TMEM204: variants seen among roughly 807,000 people sequenced by gnomAD.
TMEM204 encodes claudin-like protein 24.
In TMEM204, 15 loss-of-function variants were observed where a neutral mutation model predicts 19.4. The ratio of observed to expected loss-of-function variants is 0.77; its 90% CI spans 0.52 to 1.19. TMEM204 has a LOEUF of 1.19. TMEM204 is among the 50% of genes most tolerant of loss of function. The pLI is 0.00. For synonymous variants in TMEM204, 161 were observed against 146.0 expected (o/e 1.10, Z -0.74); for missense variants, 287 against 321.2 (o/e 0.89, Z 0.81).
Position 1,553,334 on chromosome 16 carries a change from C to A in TMEM204, c.437-1448C>A. ...TGTCTCTGTGTCTCTGTCCCTGTGT[C>A]TCTTTTTCTCCCATCCTCTCTCGAT... On this transcript the variant is annotated intron_variant, in intron 2 of 2. Coordinates refer to ENST00000566264, the MANE Select transcript of TMEM204 (RefSeq NM_024600.6). The surrounding 1 kb of genome is among the most constrained non-coding windows in gnomAD (Gnocchi z 4.4). 1.0e-6 allele frequency: 1 copy of A among 985,380 alleles called. No individual in the cohort carries two copies. Among genetic ancestry groups the A allele is most frequent in the Non-Finnish European group, 1.2e-6 (1 of 829,924 alleles). The allele number at this position is 985,380 out of a possible 1,614,324, so 61.0% of individuals were successfully genotyped here. A position where few individuals can be genotyped will look rare whatever the true frequency, so the allele number is the denominator to read the frequency against.
intron 2 of TMEM204, among the ~76,000 whole-genome samples, chr16:1,550,461 A>C (rs1442463484): frequency 1.3e-5 from 2 of 152,268 alleles, no homozygotes; most frequent in African/African-American, 4.8e-5. Context: ...AAAGCACTTA[A>C]GAAAATAAAT....
chr16:1,554,460 G>A (rs2032927049), intron 2 of TMEM204, among the ~76,000 whole-genome samples: 1 of 152,200 alleles, frequency 6.6e-6, no homozygotes, highest in South Asian at 2.1e-4. Flanking sequence ...CCTGCCGCCT[G>A]GCCAGGTCCC....
rs1320584765 is a variant in TMEM204 at position 1,533,935 on chromosome 16, C to T, written c.-341C>T. 5 of 361,512 alleles carry T rather than the reference C, an allele frequency of 1.4e-5. No individual in the cohort carries two copies. Among genetic ancestry groups the T allele is most frequent in the South Asian group, 6.5e-5 (2 of 30,556 alleles). The allele number at this position is 361,512 out of a possible 1,614,324, so 22.4% of individuals were successfully genotyped here. A position where few individuals can be genotyped will look rare whatever the true frequency, so the allele number is the denominator to read the frequency against. ...TGACTCTGTTTTCCACTGCTGCAGG[C>T]GAGAAGAGGCACGCGCGGCACAGGC... On this transcript the variant is annotated 5_prime_UTR_variant, in exon 1 of 3. Coordinates refer to ENST00000566264, the MANE Select transcript of TMEM204 (RefSeq NM_024600.6). This position sits in a 1 kb window ranked among gnomAD's most constrained non-coding sequence, Gnocchi z 4.7.
chr16:1,534,098 A>T lies in TMEM204; in HGVS notation c.-178A>T. ...CCCTGCTCCAGGTGCAGGAAGGAGG[A>T]TAAGGCCGGGCCGAGAGGCGGCACA... On this transcript the variant is annotated 5_prime_UTR_variant, in exon 1 of 3. Coordinates refer to ENST00000566264, the MANE Select transcript of TMEM204 (RefSeq NM_024600.6). 1 of 722,458 alleles carries T rather than the reference A, an allele frequency of 1.4e-6. No homozygotes were observed. Among genetic ancestry groups the T allele is most frequent in the Non-Finnish European group, 2.2e-6 (1 of 464,358 alleles). The allele number at this position is 722,458 out of a possible 1,614,324, so 44.8% of individuals were successfully genotyped here. A position where few individuals can be genotyped will look rare whatever the true frequency, so the allele number is the denominator to read the frequency against.
Position 1,534,513 on chromosome 16 carries a change from T to C in TMEM204, c.238T>C (p.Ser80Pro). Residue 80 changes from serine (S) to proline (P), a missense_variant, in exon 1 of 3, where the codon TCC becomes CCC. Transcript: ENST00000566264. ...AHDCEALGWG[S>P]EAAGFQESRG... is the part of the protein sequence containing the mutation. ...TGACTGTGAGGCGCTGGGCTGGGGCTCCGAGGCAGCCGGCTTCCAGGAGTC... is the reference window on the plus strand; with the variant it reads ...TGACTGTGAGGCGCTGGGCTGGGGCCCCGAGGCAGCCGGCTTCCAGGAGTC... 6.2e-7 allele frequency: 1 copy of C among 1,607,616 alleles called. No individual in the cohort carries two copies. Among genetic ancestry groups the C allele is most frequent in the African/African-American group, 1.3e-5 (1 of 75,030 alleles).
At chr16:1,541,153 G>A in intron 1 of TMEM204, 1 of 985,450 alleles carries the variant, frequency 1.0e-6, no homozygotes. Flanking sequence ...CCTGGCTCCT[G>A]CAACCAGGTG....
intron 2 of TMEM204, among the ~76,000 whole-genome samples, chr16:1,548,218 T>C (rs547966303): frequency 1.3e-5 from 2 of 152,270 alleles, no homozygotes; most frequent in African/African-American, 2.4e-5. Context: ...CTGCTCCGCA[T>C]AGATTCTCTT....
chr16:1,535,400 CCCAAAGG>C (rs773270506), intron 1 of TMEM204, among the ~76,000 whole-genome samples: 1 of 152,186 alleles, frequency 6.6e-6, no homozygotes, highest in Non-Finnish European at 1.5e-5. Context: ...CACAAGGTCT[CCCAAAGG>C]CCGACTCTCT....
chr16:1,548,318 G>A (rs75713883), intron 2 of TMEM204, among the ~76,000 whole-genome samples: 3,195 of 152,292 alleles, frequency 0.021, 107 homozygotes, highest in African/African-American at 0.072. Flanking sequence ...TGCCACCTGT[G>A]TGCATGTGTG....
At chr16:1,545,925 G>A (rs2032133711) in intron 2 of TMEM204, among the ~76,000 whole-genome samples, 1 of 152,210 alleles carries the variant, frequency 6.6e-6, no homozygotes, top group Admixed American at 6.5e-5. Context: ...GACACCCAGA[G>A]AGAGCAGCTG....
chr16:1,548,108 C>A (rs1351481000), intron 2 of TMEM204, among the ~76,000 whole-genome samples: 1 of 152,234 alleles, frequency 6.6e-6, no homozygotes, highest in Non-Finnish European at 1.5e-5. Flanking sequence ...CCTCCCAGGG[C>A]CTCTCCCTCT....
rs1481285724 is a variant in TMEM204 at position 1,553,674 on chromosome 16, C to T, written c.437-1108C>T. On this transcript the variant is annotated intron_variant, in intron 2 of 2. Coordinates refer to ENST00000566264, the MANE Select transcript of TMEM204 (RefSeq NM_024600.6). This position sits in a 1 kb window ranked among gnomAD's most constrained non-coding sequence, Gnocchi z 4.4. ...GGGTGCTGGGTGGGCAGAAGCGGGG[C>T]TGGGGCTGAAGGCTGGCTGGAGGCC... The T allele has an allele frequency of 1.9e-6, 2 of 1,069,594 alleles. No homozygotes were observed. The highest frequency in any genetic ancestry group is 2.3e-6 in the Non-Finnish European group (2 of 877,324). The allele number at this position is 1,069,594 out of a possible 1,614,324, so 66.3% of individuals were successfully genotyped here. A position where few individuals can be genotyped will look rare whatever the true frequency, so the allele number is the denominator to read the frequency against.
Position 1,553,447 on chromosome 16 carries a change from C to T in TMEM204, c.437-1335C>T, listed in dbSNP as rs538164033. Reference sequence around the variant, plus strand: ...GAGTGGAGAGACCGGCATGAACAGACGCACAGGTGTCAACATGCAGGCCAG... The same window carrying T: ...GAGTGGAGAGACCGGCATGAACAGATGCACAGGTGTCAACATGCAGGCCAG... On this transcript the variant is annotated intron_variant, in intron 2 of 2. Coordinates refer to ENST00000566264, the MANE Select transcript of TMEM204 (RefSeq NM_024600.6). The surrounding 1 kb of genome is among the most constrained non-coding windows in gnomAD (Gnocchi z 4.4). 6.8e-5 allele frequency: 67 copies of T among 985,420 alleles called. No individual in the cohort carries two copies. The highest frequency in any genetic ancestry group is 6.1e-4 in the South Asian group (13 of 21,286). The allele number at this position is 985,420 out of a possible 1,614,324, so 61.0% of individuals were successfully genotyped here. A position where few individuals can be genotyped will look rare whatever the true frequency, so the allele number is the denominator to read the frequency against.
At chr16:1,539,150 C>T (rs1303964426) in intron 1 of TMEM204, among the ~76,000 whole-genome samples, 3 of 151,366 alleles carry the variant, frequency 2.0e-5, no homozygotes, top group Non-Finnish European at 3.0e-5. Context: ...CGCCTCAGGC[C>T]TCACCAAGCT....
chr16:1,553,703 T>C lies in TMEM204; in HGVS notation c.437-1079T>C. ...GGCTGAAGGCTGGCTGGAGGCCCCA[T>C]GGCCTCCAGGACAATCTGTGGCCAC... is the stretch of plus-strand genomic sequence containing the variant. On this transcript the variant is annotated intron_variant, in intron 2 of 2. Coordinates refer to ENST00000566264, the MANE Select transcript of TMEM204 (RefSeq NM_024600.6). The surrounding 1 kb of genome is among the most constrained non-coding windows in gnomAD (Gnocchi z 4.4). The C allele has an allele frequency of 1.9e-6, 2 of 1,080,136 alleles. No homozygotes were observed. Among genetic ancestry groups the C allele is most frequent in the Middle Eastern group, 4.6e-4 (1 of 2,194 alleles). The allele number at this position is 1,080,136 out of a possible 1,614,324, so 66.9% of individuals were successfully genotyped here.
intron 1 of TMEM204, 120 bp downstream of exon 1, chr16:1,534,675 G>A (rs1257998008): frequency 1.2e-5 from 17 of 1,423,826 alleles, no homozygotes; most frequent in Admixed American, 3.9e-5. Context: ...TGCCCTGAGC[G>A]TGGCCTCTGG....
rs2032531209 is a variant in TMEM204, at chr16:1,550,329, A to G, written c.437-4453A>G. 3.3e-5 allele frequency among the ~76,000 whole-genome samples: 5 copies of G among 152,228 alleles called. No homozygotes were observed. The South Asian group carries it at 8.3e-4, about 25-fold the overall frequency. ...GTGTTTATGGCAAGCAACACAGCCAACCATGCACAGGGAGGTCATGTCTGG... is the reference window on the plus strand; with the variant it reads ...GTGTTTATGGCAAGCAACACAGCCAGCCATGCACAGGGAGGTCATGTCTGG... On this transcript the variant is annotated intron_variant, in intron 2 of 2. Coordinates refer to ENST00000566264, the MANE Select transcript of TMEM204 (RefSeq NM_024600.6).
Position 1,553,214 on chromosome 16 carries a change from C to T in TMEM204, c.437-1568C>T. ...CTTCCCTGTGTCTCTGTCTCTGTCT[C>T]TCTCTGTCTCCATCTGTCTCTGTGT... On this transcript the variant is annotated intron_variant, in intron 2 of 2. Transcript: ENST00000566264. This position sits in a 1 kb window ranked among gnomAD's most constrained non-coding sequence, Gnocchi z 4.4. 3.1e-6 allele frequency: 3 copies of T among 981,154 alleles called. No homozygotes were observed. The highest frequency in any genetic ancestry group is 3.6e-6 in the Non-Finnish European group (3 of 826,090). The allele number at this position is 981,154 out of a possible 1,614,324, so 60.8% of individuals were successfully genotyped here. A position where few individuals can be genotyped will look rare whatever the true frequency, so the allele number is the denominator to read the frequency against.
At chr16:1,533,619 C>G (rs550360179), upstream of TMEM204, 1 of 152,268 alleles carries the variant, frequency 6.6e-6, no homozygotes, top group South Asian at 2.1e-4. The surrounding 1 kb of genome is among the most constrained non-coding windows in gnomAD (Gnocchi z 4.7). Flanking sequence ...CTATTTGTTG[C>G]GGTTGGCTAC....
Sources: gnomAD v4.1 joint callset for allele counts (sites outside exome capture counted in the v4.1 genomes callset) on GRCh38, gnomAD v4.1.1 for gene constraint, Gnocchi (gnomAD v3.1) non-coding constraint, MANE v1.5 for transcripts, NCBI Gene and HGNC (gene_info 2026-07-23, HGNC 2026-07-21) for gene names.